Variants in BMAL2 observed in about 807,000 individuals in gnomAD.
BMAL2 encodes the protein basic helix-loop-helix ARNT-like protein 2.
the BMAL2 span, chr12:27,387,171 C>T: frequency 1.4e-4 from 141 of 1,029,412 alleles, no homozygotes; most frequent in Middle Eastern, 2.1e-4. Flanking sequence ...TGTGTGTGTG[C>T]GTGTGTATAA....
chr12:27,422,596 A>C, the BMAL2 span: 3 of 152,182 alleles, frequency 2.0e-5, no homozygotes, highest in Non-Finnish European at 4.4e-5. Context: ...ACACTTGAGG[A>C]CCTGAGAGAC....
the BMAL2 span, chr12:27,402,492 C>T: frequency 7.5e-3 from 5,239 of 699,590 alleles, 33 homozygotes; most frequent in Admixed American, 0.011. Context: ...GTGATACTAA[C>T]AATATGTGTA....
the BMAL2 span, among the ~76,000 whole-genome samples, chr12:27,413,664 C>T: frequency 6.6e-6 from 1 of 152,112 alleles, no homozygotes; most frequent in African/African-American, 2.4e-5. Context: ...TCAGTAATTA[C>T]ATATAAATGG....
chr12:27,366,062 T>C, the BMAL2 span, among the ~76,000 whole-genome samples: 4 of 152,126 alleles, frequency 2.6e-5, no homozygotes, highest in African/African-American at 9.6e-5. Flanking sequence ...AATTTCCTCT[T>C]GCCCCATGAA....
At chr12:27,346,987 T>C in the BMAL2 span, among the ~76,000 whole-genome samples, 1 of 152,190 alleles carries the variant, frequency 6.6e-6, no homozygotes, top group African/African-American at 2.4e-5. Context: ...CCCCATGTGA[T>C]CTCTGCACAC....
chr12:27,344,194 C>CT, the BMAL2 span, among the ~76,000 whole-genome samples: 1 of 152,136 alleles, frequency 6.6e-6, no homozygotes, highest in African/African-American at 2.4e-5. Context: ...GCAGAGTGGC[C>CT]TTCAGAGCTT....
the BMAL2 span, among the ~76,000 whole-genome samples, chr12:27,353,140 A>T: frequency 6.6e-6 from 1 of 152,208 alleles, no homozygotes; most frequent in South Asian, 2.1e-4. Flanking sequence ...CTAAGCAAAA[A>T]GAACAAAGCC....
chr12:27,345,421 A>T, the BMAL2 span, among the ~76,000 whole-genome samples: 1 of 152,092 alleles, frequency 6.6e-6, no homozygotes, highest in African/African-American at 2.4e-5. Context: ...TGGGCATATT[A>T]TTTCACCACT....
chr12:27,397,640 T>G, the BMAL2 span, among the ~76,000 whole-genome samples: 1 of 152,216 alleles, frequency 6.6e-6, no homozygotes, highest in South Asian at 2.1e-4. Context: ...AAAATAACAT[T>G]GACATTTTAA....
the BMAL2 span, among the ~76,000 whole-genome samples, chr12:27,343,003 C>CA: frequency 6.6e-6 from 1 of 152,224 alleles, no homozygotes; most frequent in Non-Finnish European, 1.5e-5. Flanking sequence ...ATTCGCACCT[C>CA]AAAGTTTAGA....
the BMAL2 span, among the ~76,000 whole-genome samples, chr12:27,355,657 G>A: frequency 6.6e-6 from 1 of 152,164 alleles, no homozygotes; most frequent in Non-Finnish European, 1.5e-5. Flanking sequence ...TATTTTCTCT[G>A]CTTCAGTTCT....
chr12:27,355,259 C>A, the BMAL2 span, among the ~76,000 whole-genome samples: 1 of 152,158 alleles, frequency 6.6e-6, no homozygotes, highest in African/African-American at 2.4e-5. Context: ...TGATGTTACA[C>A]TAGGCAACAT....
chr12:27,346,077 A>G, the BMAL2 span, among the ~76,000 whole-genome samples: 1 of 152,206 alleles, frequency 6.6e-6, no homozygotes, highest in Non-Finnish European at 1.5e-5. Context: ...CTTGGGAACC[A>G]TTTTAGTCTA....
chr12:27,357,541 A>C, the BMAL2 span, among the ~76,000 whole-genome samples: 1 of 152,242 alleles, frequency 6.6e-6, no homozygotes, highest in African/African-American at 2.4e-5. Flanking sequence ...GAGCCAAAAA[A>C]GAATCCACAT....
chr12:27,373,174 G>A, the BMAL2 span, among the ~76,000 whole-genome samples: 1 of 152,076 alleles, frequency 6.6e-6, no homozygotes, highest in African/African-American at 2.4e-5. Flanking sequence ...GAGTGGCCCT[G>A]GACAGGAAGG....
At chr12:27,388,098 T>TGCAC in the BMAL2 span, among the ~76,000 whole-genome samples, 1 of 144,360 alleles carries the variant, frequency 6.9e-6, no homozygotes, top group Non-Finnish European at 1.5e-5. Flanking sequence ...CACACACACA[T>TGCAC]GCACGCACAC....
the BMAL2 span, among the ~76,000 whole-genome samples, chr12:27,394,099 G>A: frequency 6.6e-6 from 1 of 151,994 alleles, no homozygotes; most frequent in East Asian, 1.9e-4. Context: ...ATCCCTCTAA[G>A]TTTAAAATTT....
the BMAL2 span, among the ~76,000 whole-genome samples, chr12:27,407,783 C>CA: frequency 2.0e-5 from 3 of 151,678 alleles, no homozygotes; most frequent in African/African-American, 4.8e-5. Flanking sequence ...AGAAACCCTT[C>CA]AAAAAATCAA....
chr12:27,350,088 A>G, the BMAL2 span, among the ~76,000 whole-genome samples: 1 of 152,222 alleles, frequency 6.6e-6, no homozygotes, highest in Non-Finnish European at 1.5e-5. Flanking sequence ...ATAGGTTGTC[A>G]AAGTCTATTT....
Sources: allele counts gnomAD v4.1 joint callset (sites outside exome capture counted in the v4.1 genomes callset), GRCh38; gene constraint gnomAD v4.1.1; transcripts MANE v1.5; gene names NCBI Gene and HGNC (gene_info 2026-07-23, HGNC 2026-07-21).